Variants in ZNF682 observed in about 807,000 individuals in gnomAD.
The protein encoded by ZNF682 is zinc finger protein 682.
In ZNF682, 29 loss-of-function variants were observed where a neutral mutation model predicts 36.5. The observed-to-expected ratio is 0.80, with a 90% CI of 0.59 to 1.08. The LOEUF is 1.08. Among genes scored for constraint, ZNF682 ranks in the 50% least tolerant of loss-of-function variants. The pLI, the probability that ZNF682 is intolerant of heterozygous loss-of-function variation, is 0.00. For missense variants in ZNF682, 561 were observed against 579.7 expected, an observed-to-expected ratio of 0.97 and a Z score of 0.33; for synonymous variants, 180 against 197.0, an observed-to-expected ratio of 0.91 and a Z score of 0.72.
chr19:20,022,152 G>C (rs113022292), intron 3 of ZNF682, among the ~76,000 whole-genome samples: 3 of 141,346 alleles, frequency 2.1e-5, no homozygotes. Context: ...CTGGGTGACA[G>C]AGTGAAACTC....
intron 3 of ZNF682, 93 bp downstream of exon 3, chr19:20,022,911 G>T: frequency 9.6e-7 from 1 of 1,046,134 alleles, no homozygotes; most frequent in African/African-American, 1.6e-5. Flanking sequence ...ATCTCCATTG[G>T]AGCAGAGCTT....
chr19:20,018,048 T>A (rs1342590525), intron 3 of ZNF682, among the ~76,000 whole-genome samples: 1 of 151,638 alleles, frequency 6.6e-6, no homozygotes, highest in Non-Finnish European at 1.5e-5. Context: ...TTTTTTTTTT[T>A]TGCAGAAATA....
chr19:20,018,168 A>G (rs1479238695), intron 3 of ZNF682, among the ~76,000 whole-genome samples: 2 of 127,678 alleles, frequency 1.6e-5, no homozygotes, highest in African/African-American at 6.1e-5. Flanking sequence ...ATCTCGGCTC[A>G]CTGCAAGCTC....
At chr19:19,999,420 A>AT (rs34816773), downstream of ZNF682, among the ~76,000 whole-genome samples, 1 of 152,128 alleles carries the variant, frequency 6.6e-6, no homozygotes, top group Non-Finnish European at 1.5e-5. Flanking sequence ...TGCTTAAGAG[A>AT]TTTTTTAAAA....
chr19:20,029,832 A>C (rs1252068065), intron 1 of ZNF682, among the ~76,000 whole-genome samples: 1 of 152,080 alleles, frequency 6.6e-6, no homozygotes, highest in Non-Finnish European at 1.5e-5. Context: ...TAAAAAAAAA[A>C]ATTAAAGACC....
intron 3 of ZNF682, among the ~76,000 whole-genome samples, chr19:20,008,732 G>C (rs2088253469): frequency 6.6e-6 from 1 of 152,092 alleles, no homozygotes; most frequent in African/African-American, 2.4e-5. Context: ...AGCAGTTGAA[G>C]GGAATATCAC....
chr19:20,035,032 AG>A (rs1180455842), intron 1 of ZNF682, among the ~76,000 whole-genome samples: 1 of 152,080 alleles, frequency 6.6e-6, no homozygotes, highest in Non-Finnish European at 1.5e-5. Flanking sequence ...TGGGAGGCAC[AG>A]GTTGCAATGA....
chr19:20,007,193 A>G lies in ZNF682; in HGVS notation c.309T>C (p.Tyr103=), dbSNP rs779511116. 3.7e-6 allele frequency: 6 copies of G among 1,613,732 alleles called. No individual in the cohort carries two copies. The highest frequency in any genetic ancestry group is 3.3e-5 in the South Asian group (3 of 91,078). The change falls in exon 4 of 4, where the codon TAT becomes TAC. Residue 103 remains tyrosine (Y), a synonymous_variant. Transcript: ENST00000397165. ...GTAAATCCTCAAGTCCACAGCTTCC[A>G]TATCTTCTCAGTATCACTTTTTGGA... is the stretch of plus-strand genomic sequence containing the variant. The part of the protein sequence containing the change: ...DSFQKVILRR[Y]GSCGLEDLHL...
intron 1 of ZNF682, chr19:20,033,959 C>T (rs2110125): frequency 0.78 from 122,280 of 155,880 alleles, 48,174 homozygotes; most frequent in South Asian, 0.86. Flanking sequence ...CGTGACAGCC[C>T]ACCTCACTCA....
At chr19:20,039,248 T>G (rs2088562301) in intron 1 of ZNF682, 95 bp downstream of exon 1, 2 of 1,575,740 alleles carry the variant, frequency 1.3e-6, no homozygotes, top group African/African-American at 2.7e-5. Context: ...ACTCCGGAGC[T>G]GACAGCTGGG....
intron 3 of ZNF682, among the ~76,000 whole-genome samples, chr19:20,017,735 T>C (rs142251021): frequency 1.3e-5 from 2 of 152,008 alleles, no homozygotes; most frequent in African/African-American, 4.8e-5. Context: ...AACGTTCCAG[T>C]TAAAAGCAGC....
Position 20,021,961 on chromosome 19 carries a change from A to C in ZNF682, c.226+1043T>G, listed in dbSNP as rs149486022. Among the ~76,000 whole-genome samples, 893 of 151,594 alleles carry C rather than the reference A, an allele frequency of 5.9e-3. 10 individuals are homozygous for C. Among genetic ancestry groups the C allele is most frequent in the African/African-American group, 0.02 (837 of 41,268 alleles). On this transcript the variant is annotated intron_variant, in intron 3 of 3. Transcript: ENST00000397165. Reference sequence around the variant, plus strand: ...CGAGGCGGGTGGATCACCTGAGGTCAGGAGTTCCAAATCAACCTGGCCAAC... The same window carrying C: ...CGAGGCGGGTGGATCACCTGAGGTCCGGAGTTCCAAATCAACCTGGCCAAC...
At chr19:19,999,153 C>A (rs1407468126) in intron 3 of ZNF682, among the ~76,000 whole-genome samples, 2 of 152,100 alleles carry the variant, frequency 1.3e-5, no homozygotes, top group African/African-American at 4.8e-5. Flanking sequence ...CATGCTGACA[C>A]CCTGATCCCA....
downstream of ZNF682, among the ~76,000 whole-genome samples, chr19:20,003,135 G>A (rs2088181200): frequency 7.9e-6 from 1 of 125,990 alleles, no homozygotes; most frequent in Non-Finnish European, 1.6e-5. Context: ...AGCTTGCAGT[G>A]AGCCGAGATC....
rs2088193718 is a variant in ZNF682, at chr19:20,004,510, T to C, written c.*1495A>G. The C allele has an allele frequency of 6.6e-6, 1 of 152,236 alleles. No homozygotes were observed. The highest frequency in any genetic ancestry group is 6.5e-5 in the Admixed American group (1 of 15,288). 9.4% of individuals were successfully genotyped at this position (152,236 alleles called of 1,614,324 possible). ...TCCACTATACTATCTAATGTGCAAT[T>C]GGTAAAACAATTTACTAAAATTTGA... On this transcript the variant is annotated 3_prime_UTR_variant, in exon 4 of 4. Transcript: ENST00000397165.
At chr19:20,033,736 T>C (rs1045526938) in intron 1 of ZNF682, 2 of 152,342 alleles carry the variant, frequency 1.3e-5, no homozygotes, top group African/African-American at 4.8e-5. Context: ...GTATTTTTAG[T>C]AGAGACAGGG....
chr19:20,015,643 T>G (rs919967928), intron 3 of ZNF682: 2 of 385,134 alleles, frequency 5.2e-6, no homozygotes, highest in Admixed American at 4.5e-5. Context: ...CAACCATGAC[T>G]GGCTATCCAT....
downstream of ZNF682, among the ~76,000 whole-genome samples, chr19:19,996,378 C>A (rs1197042226): frequency 1.3e-5 from 2 of 152,194 alleles, no homozygotes; most frequent in Non-Finnish European, 2.9e-5. Context: ...AAGACACTTG[C>A]ACATGCATGT....
chr19:20,027,640 T>C (rs545437593), intron 1 of ZNF682, among the ~76,000 whole-genome samples: 2 of 152,118 alleles, frequency 1.3e-5, no homozygotes, highest in Non-Finnish European at 2.9e-5. Context: ...ATGCCTGTAA[T>C]CCCAGCTACT....
Sources: allele counts gnomAD v4.1 joint callset (sites outside exome capture counted in the v4.1 genomes callset), GRCh38; gene constraint gnomAD v4.1.1; transcripts MANE v1.5; gene names NCBI Gene and HGNC (gene_info 2026-07-23, HGNC 2026-07-21).